SLA: variants seen among roughly 807,000 people sequenced by gnomAD.
SLA encodes Src like adaptor, also known as src-like-adapter.
A neutral mutation model predicts 30.3 loss-of-function variants in SLA; 16 were observed. The observed-to-expected ratio is 0.53, with a 90% CI of 0.36 to 0.80. The LOEUF is 0.80. Among genes scored for constraint, SLA ranks in the 30% least tolerant of loss-of-function variants. SLA has a pLI of 0.01. For synonymous variants in SLA, 143 were observed against 137.8 expected (o/e 1.04, Z -0.26); for missense variants, 310 against 345.2 (o/e 0.90, Z 0.81).
chr8:133,048,324 G>T (rs1236002877), intron 5 of SLA, among the ~76,000 whole-genome samples: 2 of 152,036 alleles, frequency 1.3e-5, no homozygotes, highest in Non-Finnish European at 2.9e-5. Context: ...AGGTTCAAGT[G>T]ATTCTCCTGC....
intron 7 of SLA, 168 bp from the exon 8 acceptor site, chr8:133,040,298 G>A (rs1837975412): frequency 1.4e-5 from 10 of 695,060 alleles, no homozygotes; most frequent in East Asian, 2.7e-5. Context: ...AAAGTCACGC[G>A]CCCAGCTGTT....
intron 1 of SLA, among the ~76,000 whole-genome samples, chr8:133,080,476 G>A (rs138696106): frequency 1.1e-4 from 17 of 152,040 alleles, no homozygotes; most frequent in South Asian, 6.2e-4. Flanking sequence ...GTCTTCCCAC[G>A]TCCCACCTCT....
intron 3 of SLA, among the ~76,000 whole-genome samples, chr8:133,055,824 C>CCAGCAGCAGCAGCAGCAGCAG (rs36210010): frequency 4.0e-5 from 6 of 150,782 alleles, no homozygotes; most frequent in East Asian, 2.0e-4. Flanking sequence ...CTCCTCATCA[C>CCAGCAGCAGCAGCAGCAGCAG]CAGCAGCAGC....
chr8:133,041,521 G>C (rs961757937), intron 7 of SLA, among the ~76,000 whole-genome samples: 1 of 152,194 alleles, frequency 6.6e-6, no homozygotes, highest in African/African-American at 2.4e-5. Flanking sequence ...ACCTGTCATG[G>C]GTTGGAAATT....
At chr8:133,097,922 C>T (rs577881090) in intron 1 of SLA, among the ~76,000 whole-genome samples, 5 of 152,008 alleles carry the variant, frequency 3.3e-5, no homozygotes, top group African/African-American at 9.7e-5. Flanking sequence ...ATGTGAGCAG[C>T]GATAGAGTTC....
At chr8:133,067,830 G>C (rs1463409454) in intron 2 of SLA, among the ~76,000 whole-genome samples, 1 of 149,984 alleles carries the variant, frequency 6.7e-6, no homozygotes, top group Non-Finnish European at 1.5e-5. Flanking sequence ...GGAAGGGGGA[G>C]AGAGAGAGAG....
intron 2 of SLA, among the ~76,000 whole-genome samples, chr8:133,062,637 C>T (rs552345771): frequency 7.2e-5 from 11 of 152,024 alleles, no homozygotes; most frequent in Non-Finnish European, 1.0e-4. Flanking sequence ...GCACAGGCCT[C>T]GGGAAGCATG....
At chr8:133,092,789 T>C (rs1458479161) in intron 1 of SLA, among the ~76,000 whole-genome samples, 2 of 152,192 alleles carry the variant, frequency 1.3e-5, no homozygotes, top group African/African-American at 2.4e-5. Context: ...TGCTTTAAAA[T>C]GAAGGCTGAG....
chr8:133,074,793 G>A (rs2739157), intron 2 of SLA, 60 bp downstream of exon 2: 240,001 of 927,180 alleles, frequency 0.26, 32,911 homozygotes, highest in East Asian at 0.54. Context: ...TGCCAACTGC[G>A]TGTTGAAGAG....
chr8:133,065,930 C>G (rs970995512), intron 2 of SLA, among the ~76,000 whole-genome samples: 1 of 152,062 alleles, frequency 6.6e-6, no homozygotes, highest in Non-Finnish European at 1.5e-5. Context: ...GTCTGGGTTT[C>G]CAGCGGGGAT....
chr8:133,057,526 C>T (rs1307640424), intron 3 of SLA, among the ~76,000 whole-genome samples: 2 of 152,126 alleles, frequency 1.3e-5, no homozygotes, highest in African/African-American at 4.8e-5. Context: ...TTTGCTGGTG[C>T]CTGCCCTGCA....
intron 6 of SLA, 148 bp from the exon 7 acceptor site, chr8:133,045,263 G>T: frequency 1.4e-6 from 1 of 726,664 alleles, no homozygotes; most frequent in Non-Finnish European, 2.3e-6. Context: ...CCCTCCACTA[G>T]ACCCTTCTCT....
In SLA at chr8:133,038,496, G is replaced by A; in HGVS notation, c.*28C>T. The A allele has an allele frequency of 6.6e-7, 1 of 1,524,698 alleles. No individual in the cohort carries two copies. The highest frequency in any genetic ancestry group is 9.1e-7 in the Non-Finnish European group (1 of 1,098,540). The allele number at this position is 1,524,698 out of a possible 1,614,324, so 94.4% of individuals were successfully genotyped here. On this transcript the variant is annotated 3_prime_UTR_variant, in exon 9 of 9. Coordinates refer to ENST00000338087, the MANE Select transcript of SLA (RefSeq NM_001045556.3). ...AATAGTTGGAACTTCTGTTCCTTTT[G>A]GGCATGAACCATTGTGTCTGTTCTT...
intron 7 of SLA, among the ~76,000 whole-genome samples, chr8:133,042,423 C>T (rs984706414): frequency 2.6e-5 from 4 of 152,164 alleles, no homozygotes; most frequent in African/African-American, 7.2e-5. Context: ...ATGCCCCATG[C>T]ACTCTGTTCT....
intron 2 of SLA, among the ~76,000 whole-genome samples, chr8:133,067,817 G>A (rs992168665): frequency 2.0e-5 from 3 of 149,112 alleles, no homozygotes; most frequent in African/African-American, 5.0e-5. Context: ...AGAAAGGAAG[G>A]AAGGAAGGGG....
intron 2 of SLA, among the ~76,000 whole-genome samples, chr8:133,067,776 TAGAA>T (rs1266727359): frequency 2.8e-5 from 4 of 141,022 alleles, no homozygotes; most frequent in South Asian, 2.2e-4. Flanking sequence ...AGACTCCATC[TAGAA>T]AGAAAGAAAG....
In SLA at chr8:133,071,223, A is replaced by G. The variant is rs1435206932; in HGVS notation, c.-41+3630T>C. Among the ~76,000 whole-genome samples the G allele has an allele frequency of 4.6e-5, 7 of 152,212 alleles. No individual in the cohort carries two copies. The South Asian group carries it at 1.2e-3, about 27-fold the overall frequency. ...TACATGTACTCTCCACTTGACCTCC[A>G]CAACTCTCTGGAGTATGCATCATTA... is the stretch of plus-strand genomic sequence containing the variant. On this transcript the variant is annotated intron_variant, in intron 2 of 8. Coordinates refer to ENST00000338087, the MANE Select transcript of SLA (RefSeq NM_001045556.3).
At chr8:133,050,978 G>C in intron 3 of SLA, 63 bp from the exon 4 acceptor site, 2 of 930,726 alleles carry the variant, frequency 2.1e-6, no homozygotes, top group Non-Finnish European at 3.5e-6. Flanking sequence ...GAGCTTAAAG[G>C]TAGGCTTGGG....
chr8:133,065,961 T>C (rs1291181379), intron 2 of SLA, among the ~76,000 whole-genome samples: 1 of 152,032 alleles, frequency 6.6e-6, no homozygotes, highest in Non-Finnish European at 1.5e-5. Flanking sequence ...GAAGTGCTGC[T>C]GGGAGCAGAA....
Sources: gnomAD v4.1 joint callset for allele counts (sites outside exome capture counted in the v4.1 genomes callset) on GRCh38, gnomAD v4.1.1 for gene constraint, MANE v1.5 for transcripts, NCBI Gene and HGNC (gene_info 2026-07-23, HGNC 2026-07-21) for gene names.